The following EFHC2 variants were observed in gnomAD, a reference collection of about 807,000 sequenced individuals.
The protein encoded by EFHC2 is EF-hand domain containing 2.
Under a neutral mutation model 52.7 loss-of-function variants are expected in EFHC2, and 18 were observed. That is an observed-to-expected ratio of 0.34 (90% CI 0.24 to 0.51). The LOEUF is 0.51. Ranked by LOEUF, EFHC2 falls within the 20% of genes least tolerant of loss-of-function variation. The pLI is 0.97. For synonymous variants in EFHC2, 203 were observed against 204.1 expected, an observed-to-expected ratio of 0.99 and a Z score of 0.04; for missense variants, 513 against 562.5, an observed-to-expected ratio of 0.91 and a Z score of 0.89.
At chrX:44,163,838 A>G in intron 14 of EFHC2, 84 bp downstream of exon 14, 1 of 672,965 alleles carries the variant, frequency 1.5e-6, no homozygotes. Flanking sequence ...ATATTTTATA[A>G]TGAAAAATAA....
At chrX:44,336,343 C>T (rs1429645900) in intron 1 of EFHC2, among the ~76,000 whole-genome samples, 2 of 107,229 alleles carry the variant, frequency 1.9e-5, no homozygotes, top group African/African-American at 3.4e-5. Context: ...GCCAAGATCG[C>T]GCCACTACAC....
At chrX:44,224,752 G>C (rs56168240) in intron 11 of EFHC2, among the ~76,000 whole-genome samples, 25,207 of 111,780 alleles carry the variant, frequency 0.23, 2,135 homozygotes, top group Middle Eastern at 0.3. Context: ...CCTGCCCTCT[G>C]AGAGCTTCCC....
At chrX:44,223,776 G>A (rs1215449941) in intron 11 of EFHC2, among the ~76,000 whole-genome samples, 1 of 112,198 alleles carries the variant, frequency 8.9e-6, no homozygotes, top group Non-Finnish European at 1.9e-5. Flanking sequence ...TTCATGATAA[G>A]AACCTATGTT....
intron 1 of EFHC2, among the ~76,000 whole-genome samples, chrX:44,336,626 A>G (rs1205108883): frequency 9.0e-6 from 1 of 111,587 alleles, no homozygotes; most frequent in Non-Finnish European, 1.9e-5. Flanking sequence ...GAGAGCAATG[A>G]CCATTTTGCT....
intron 6 of EFHC2, 143 bp from the exon 7 acceptor site, chrX:44,248,553 A>G (rs1378895445): frequency 2.7e-6 from 2 of 737,622 alleles, no homozygotes; most frequent in Admixed American, 7.4e-5. Flanking sequence ...AAAAGCAACC[A>G]GTTGATGTTA....
chrX:44,302,148 T>C (rs369597766), intron 2 of EFHC2, among the ~76,000 whole-genome samples: 1 of 111,956 alleles, frequency 8.9e-6, no homozygotes, highest in African/African-American at 3.2e-5. Context: ...ATGAAGGTTC[T>C]AGTTTCTCTA....
At chrX:44,336,852 T>C (rs2038120523) in intron 1 of EFHC2, among the ~76,000 whole-genome samples, 1 of 112,222 alleles carries the variant, frequency 8.9e-6, no homozygotes, top group African/African-American at 3.2e-5. Flanking sequence ...AATAAGACTG[T>C]TATGTACATA....
chrX:44,296,156 T>C (rs2037824630), intron 2 of EFHC2, among the ~76,000 whole-genome samples: 1 of 111,067 alleles, frequency 9.0e-6, no homozygotes, highest in Non-Finnish European at 1.9e-5. Flanking sequence ...CCTTAGAGGA[T>C]GGAGGTGGAG....
At chrX:44,274,725 CA>C (rs1184880543) in intron 2 of EFHC2, among the ~76,000 whole-genome samples, 1 of 108,801 alleles carries the variant, frequency 9.2e-6, no homozygotes, top group African/African-American at 3.3e-5. Context: ...CCCGTTTTTA[CA>C]AAAAAAAATT....
chrX:44,178,129 TCACACACACACACACACA>T (rs201977577), intron 12 of EFHC2, among the ~76,000 whole-genome samples: 8 of 83,951 alleles, frequency 9.5e-5, no homozygotes, highest in Admixed American at 5.6e-4. Flanking sequence ...AGATGCCATA[TCACACACACACACACACA>T]CACACACACA....
intron 11 of EFHC2, among the ~76,000 whole-genome samples, chrX:44,223,664 AT>A (rs1405973093): frequency 2.7e-5 from 3 of 112,033 alleles, no homozygotes; most frequent in Non-Finnish European, 5.6e-5. Context: ...CATTATTTAT[AT>A]TTAATGCTTT....
chrX:44,257,746 C>T (rs953008754), intron 4 of EFHC2, among the ~76,000 whole-genome samples: 3 of 111,828 alleles, frequency 2.7e-5, no homozygotes, highest in African/African-American at 9.8e-5. Flanking sequence ...CTCCATCAAG[C>T]TACCACTGAC....
chrX:44,218,236 T>C (rs2037166513), intron 11 of EFHC2, among the ~76,000 whole-genome samples: 1 of 111,242 alleles, frequency 9.0e-6, no homozygotes, highest in Admixed American at 9.6e-5. Context: ...TTTTAAGAAA[T>C]ACGAATGTAT....
chrX:44,197,432 G>A (rs899082805), intron 11 of EFHC2, among the ~76,000 whole-genome samples: 1 of 111,929 alleles, frequency 8.9e-6, no homozygotes, highest in Admixed American at 9.5e-5. Context: ...GCAGTGGTAA[G>A]GAACATCTTA....
At chrX:44,182,911 T>A (rs2036846142) in intron 11 of EFHC2, among the ~76,000 whole-genome samples, 1 of 111,309 alleles carries the variant, frequency 9.0e-6, no homozygotes, top group South Asian at 3.8e-4. Context: ...GTAACTAAAG[T>A]CATAAGACTC....
At chrX:44,242,324 T>A (rs771818324) in intron 7 of EFHC2, 35 bp from the exon 8 acceptor site, 1 of 1,140,707 alleles carries the variant, frequency 8.8e-7, no homozygotes, top group Non-Finnish European at 1.2e-6. Flanking sequence ...AACATCAATA[T>A]TTTTTTTGCC....
At chrX:44,278,100 C>A (rs1049859647) in intron 2 of EFHC2, among the ~76,000 whole-genome samples, 2 of 112,221 alleles carry the variant, frequency 1.8e-5, no homozygotes, top group African/African-American at 6.5e-5. Flanking sequence ...TCTGGCCGGG[C>A]GCAATGGCTC....
intron 1 of EFHC2, among the ~76,000 whole-genome samples, chrX:44,317,346 T>C (rs960623274): frequency 1.6e-4 from 18 of 112,649 alleles, no homozygotes; most frequent in African/African-American, 5.2e-4. Flanking sequence ...TCTGCATTTA[T>C]GAGAAAGTTT....
intron 12 of EFHC2, among the ~76,000 whole-genome samples, chrX:44,178,129 T>TCTCACACACACACA (rs779701339): frequency 3.1e-4 from 26 of 83,949 alleles, no homozygotes; most frequent in South Asian, 6.2e-4. Flanking sequence ...AGATGCCATA[T>TCTCACACACACACA]CACACACACA....
Sources: allele counts gnomAD v4.1 joint callset (sites outside exome capture counted in the v4.1 genomes callset), GRCh38; gene constraint gnomAD v4.1.1; transcripts MANE v1.5; gene names NCBI Gene and HGNC (gene_info 2026-07-23, HGNC 2026-07-21).